SORBS2: variants seen among roughly 807,000 people sequenced by gnomAD.
SORBS2 encodes sorbin and SH3 domain-containing protein 2.
A neutral mutation model predicts 97.7 loss-of-function variants in SORBS2; 46 were observed. The ratio of observed to expected loss-of-function variants is 0.47; its 90% CI spans 0.37 to 0.60. The LOEUF is 0.60. SORBS2 is among the 20% of genes least tolerant of loss of function. The pLI is 0.00. For missense variants in SORBS2, 1,316 were observed against 1,282.3 expected (o/e 1.03, Z -0.40); for synonymous variants, 476 against 473.4 (o/e 1.01, Z -0.07).
rs561851337 is a variant in SORBS2, at chr4:185,738,467, G to A, written c.-198+36760C>T. 1.6e-4 allele frequency among the ~76,000 whole-genome samples: 25 copies of A among 152,246 alleles called. No homozygotes were observed. The South Asian group carries it at 3.7e-3, about 23-fold the overall frequency. ...AGACATGCTGTGTGGTTTTGCAACCGGGCAAGTTTCGAAATATTTTTAAGC... is the reference window on the plus strand; with the variant it reads ...AGACATGCTGTGTGGTTTTGCAACCAGGCAAGTTTCGAAATATTTTTAAGC... On this transcript the variant is annotated intron_variant, in intron 2 of 20. Coordinates refer to the SORBS2 transcript ENST00000284776.
intron 1 of SORBS2, among the ~76,000 whole-genome samples, chr4:185,820,314 C>G (rs2099195980): frequency 6.6e-6 from 1 of 152,266 alleles, no homozygotes; most frequent in South Asian, 2.1e-4. Flanking sequence ...GAACAGCCAG[C>G]AGGAGGCCTT....
At chr4:185,760,299 T>C (rs959734418) in intron 2 of SORBS2, among the ~76,000 whole-genome samples, 1 of 152,220 alleles carries the variant, frequency 6.6e-6, no homozygotes, top group African/African-American at 2.4e-5. Flanking sequence ...CAGTGCCTCA[T>C]GCCTGTAATC....
At chr4:185,661,257 C>T (rs10440508), upstream of SORBS2, among the ~76,000 whole-genome samples, 3,992 of 145,744 alleles carry the variant, frequency 0.027, 168 homozygotes, top group African/African-American at 0.095. Context: ...GCCTGGGCGA[C>T]AGAGTGAGAC....
In SORBS2 at chr4:185,887,764, T is replaced by C. The variant is rs141649658; in HGVS notation, c.-338+68432A>G. On this transcript the variant is annotated intron_variant, in intron 1 of 20. Coordinates refer to the SORBS2 transcript ENST00000284776. ...TTCAATTATTTGTAATTATTATTAT[T>C]AGAATCATTTCATATCTTCTGGAGA... Among the ~76,000 whole-genome samples the C allele has an allele frequency of 5.5e-3, 838 of 152,258 alleles. 4 individuals carry two copies. Among genetic ancestry groups the C allele is most frequent in the Admixed American group, 7.6e-3 (116 of 15,300 alleles).
At chr4:185,589,758 G>A in exon 14 of SORBS2, 1 of 1,609,550 alleles carries the variant, frequency 6.2e-7, no homozygotes, top group Non-Finnish European at 8.5e-7. Flanking sequence ...CTTCATTCCT[G>A]GGAGTATAGT....
intron 6 of SORBS2, 133 bp from the exon 19 acceptor site, chr4:185,624,627 G>A (rs1378376248): frequency 1.1e-5 from 10 of 927,412 alleles, no homozygotes; most frequent in Middle Eastern, 3.4e-4. Context: ...TTTAATCTAG[G>A]TGCTGATTGT....
intron 1 of SORBS2, among the ~76,000 whole-genome samples, chr4:185,905,432 C>T (rs2099250230): frequency 6.6e-6 from 1 of 152,130 alleles, no homozygotes; most frequent in African/African-American, 2.4e-5. Context: ...CAGAGGTCTA[C>T]TAAAATGTTT....
chr4:185,733,567 A>G (rs1303877307), intron 2 of SORBS2, among the ~76,000 whole-genome samples: 1 of 152,182 alleles, frequency 6.6e-6, no homozygotes, highest in East Asian at 1.9e-4. Context: ...CTTGGGGATA[A>G]GGGCGTTCCT....
intron 4 of SORBS2, among the ~76,000 whole-genome samples, chr4:185,636,787 T>C (rs141688211): frequency 0.016 from 2,397 of 152,184 alleles, 32 homozygotes; most frequent in Non-Finnish European, 0.028. Flanking sequence ...TAGCTGGGAC[T>C]ACAGGCACCC....
chr4:185,763,245 CTTCT>C (rs2098914407), intron 2 of SORBS2, among the ~76,000 whole-genome samples: 1 of 152,112 alleles, frequency 6.6e-6, no homozygotes, highest in South Asian at 2.1e-4. Context: ...TCTGACCTTC[CTTCT>C]GTTTCTGAAA....
intron 1 of SORBS2, among the ~76,000 whole-genome samples, chr4:185,654,997 A>T (rs1292003894): frequency 6.6e-6 from 1 of 152,224 alleles, no homozygotes; most frequent in Non-Finnish European, 1.5e-5. Flanking sequence ...AAATACTCAA[A>T]CAAGTGTTAT....
At chr4:185,757,437 TCTAA>T (rs1236224080) in intron 2 of SORBS2, 1 of 152,646 alleles carries the variant, frequency 6.6e-6, no homozygotes, top group Non-Finnish European at 1.5e-5. Context: ...CCTGTACATT[TCTAA>T]CTTTTAGAGA....
chr4:185,717,740 TTAGA>T (rs752679261), intron 2 of SORBS2, among the ~76,000 whole-genome samples: 1 of 152,206 alleles, frequency 6.6e-6, no homozygotes, highest in Non-Finnish European at 1.5e-5. Context: ...TATGCAGTTA[TTAGA>T]TAGACAATTC....
rs556229885 is a variant in SORBS2 at position 185,833,827 on chromosome 4, T to G, written c.-337-58461A>C. On this transcript the variant is annotated intron_variant, in intron 1 of 20. Transcript: ENST00000284776. ...GTAATAAAATGCAACACTACAATCA[T>G]AGTGGAAATAATTCGTTTCATATAT... Among the ~76,000 whole-genome samples, 6 of 152,354 alleles carry G rather than the reference T, an allele frequency of 3.9e-5. No homozygotes were observed. In the East Asian group the frequency reaches 9.6e-4, roughly 24 times the overall value.
At chr4:185,602,796 A>G (rs972038140) in intron 12 of SORBS2, among the ~76,000 whole-genome samples, 4 of 152,212 alleles carry the variant, frequency 2.6e-5, no homozygotes, top group African/African-American at 9.7e-5. Context: ...AATGGCCTAA[A>G]ATTACGAGTT....
upstream of SORBS2, among the ~76,000 whole-genome samples, chr4:185,657,750 A>C (rs1315568550): frequency 6.6e-6 from 1 of 152,148 alleles, no homozygotes; most frequent in African/African-American, 2.4e-5. Flanking sequence ...GAGCTGGTGG[A>C]AACTGTGTAG....
chr4:185,779,320 TA>T (rs1161807863), intron 1 of SORBS2, among the ~76,000 whole-genome samples: 1 of 152,202 alleles, frequency 6.6e-6, no homozygotes, highest in Non-Finnish European at 1.5e-5. Flanking sequence ...GACCTTTTTT[TA>T]TTGGGTTGTT....
At position 185,635,227 on chromosome 4, in the gene SORBS2, A is replaced by T. The variant is rs538367663; in HGVS notation, c.397-4629T>A. 134 of 667,616 alleles carry T rather than the reference A, an allele frequency of 2.0e-4. No homozygotes were observed. The African/African-American group carries it at 2.0e-3, about 10-fold the overall frequency. The allele number at this position is 667,616 out of a possible 1,614,324, so 41.4% of individuals were successfully genotyped here. A position where few individuals can be genotyped will look rare whatever the true frequency, so the allele number is the denominator to read the frequency against. On this transcript the variant is annotated intron_variant, in intron 4 of 14. Transcript: ENST00000418609. ...CAATGATACTGGATGCAACATAATG[A>T]TGCAAAGATAGATATTTTTTCAAAA... is the stretch of plus-strand genomic sequence containing the variant.
At position 185,850,786 on chromosome 4, in the gene SORBS2, T is replaced by A. The variant is rs555118981; in HGVS notation, c.-337-75420A>T. 3.2e-4 allele frequency among the ~76,000 whole-genome samples: 48 copies of A among 152,246 alleles called. 1 individual carries two copies. The highest frequency in any genetic ancestry group is 9.4e-4 in the African/African-American group (39 of 41,538). ...GAAACGTGATTTCTGAGTGTGTCTG[T>A]GAGGGTGTTTCTGGAAGAGATGAGC... On this transcript the variant is annotated intron_variant, in intron 1 of 20. Transcript: ENST00000284776.
Sources: allele counts gnomAD v4.1 joint callset (sites outside exome capture counted in the v4.1 genomes callset), GRCh38; gene constraint gnomAD v4.1.1; transcripts MANE v1.5; gene names NCBI Gene and HGNC (gene_info 2026-07-23, HGNC 2026-07-21).